The following BAZ1A variants were observed in gnomAD, a reference collection of about 807,000 sequenced individuals.
BAZ1A encodes the protein bromodomain adjacent to zinc finger domain 1A.
BAZ1A carries 50 observed loss-of-function variants against 185.2 expected under a neutral mutation model. The ratio of observed to expected loss-of-function variants is 0.27; its 90% CI spans 0.22 to 0.34. BAZ1A has a LOEUF of 0.34. Ranked by LOEUF, BAZ1A falls within the 10% of genes least tolerant of loss-of-function variation. The pLI is 1.00. For missense variants in BAZ1A, 1,356 were observed against 1,839.9 expected, an observed-to-expected ratio of 0.74 and a Z score of 4.81; for synonymous variants, 571 against 615.6, an observed-to-expected ratio of 0.93 and a Z score of 1.07.
At chr14:34,770,320 A>ATT (rs1227760754) in intron 21 of BAZ1A, among the ~76,000 whole-genome samples, 5 of 151,956 alleles carry the variant, frequency 3.3e-5, no homozygotes, top group Admixed American at 3.3e-4. Context: ...CACCCACCTA[A>ATT]TTTTGTATTT....
intron 5 of BAZ1A, among the ~76,000 whole-genome samples, chr14:34,808,725 T>C (rs2041887259): frequency 6.6e-6 from 1 of 152,160 alleles, no homozygotes; most frequent in African/African-American, 2.4e-5. Context: ...CTGTTTTTTA[T>C]TCTCCCTTGC....
intron 23 of BAZ1A, among the ~76,000 whole-genome samples, chr14:34,763,591 C>A (rs538697556): frequency 6.6e-6 from 1 of 152,194 alleles, no homozygotes; most frequent in East Asian, 1.9e-4. Context: ...GTGCTTTGTG[C>A]TTCACTGCAT....
intron 6 of BAZ1A, among the ~76,000 whole-genome samples, chr14:34,804,890 A>T (rs1360011382): frequency 6.6e-6 from 1 of 152,226 alleles, no homozygotes; most frequent in Non-Finnish European, 1.5e-5. Flanking sequence ...AAAACTGGTT[A>T]TCAAACTTTG....
chr14:34,753,641 G>T lies in BAZ1A; in HGVS notation c.4538C>A (p.Thr1513Lys), dbSNP rs757499414. 1.2e-6 allele frequency: 2 copies of T among 1,613,818 alleles called. No homozygotes were observed. The highest frequency in any genetic ancestry group is 2.2e-5 in the South Asian group (2 of 91,082). ...CCTAGTTCCAGCTTTTGCTTCACTTGTGTTACGAGGGTTGTATTCAAAGCA... is the reference window on the plus strand; with the variant it reads ...CCTAGTTCCAGCTTTTGCTTCACTTTTGTTACGAGGGTTGTATTCAAAGCA... The part of the protein sequence containing the change: ...SNCFEYNPRN[T>K]SEAKAGTRLQ... The change falls in exon 27 of 27, where the codon ACA (threonine) becomes AAA (lysine). Residue 1513 changes from threonine (T) to lysine (K), a missense_variant. Transcript: ENST00000360310.
chr14:34,825,540 G>A (rs1337696913), intron 4 of BAZ1A, among the ~76,000 whole-genome samples: 1 of 150,430 alleles, frequency 6.6e-6, no homozygotes, highest in African/African-American at 2.5e-5. Flanking sequence ...GCGTGAACTA[G>A]GAAAATTTCA....
At chr14:34,807,986 T>C (rs1209843558) in intron 5 of BAZ1A, among the ~76,000 whole-genome samples, 2 of 151,634 alleles carry the variant, frequency 1.3e-5, no homozygotes, top group South Asian at 2.1e-4. Context: ...GTGCCTGTAG[T>C]CCCAGCTACT....
At position 34,764,684 on chromosome 14, in the gene BAZ1A, T is replaced by A. The variant is rs567864588; in HGVS notation, c.3776+23A>T. The stretch of plus-strand genomic sequence containing the variant: ...TGTCTAACTAAGACTTACTGACTCA[T>A]TTTATTGCATGTTAGGACTTACCTG... On this transcript the variant is annotated intron_variant, in intron 23 of 26. Transcript: ENST00000360310. The A allele has an allele frequency of 1.3e-5, 20 of 1,573,914 alleles. No individual in the cohort carries two copies. In the South Asian group the frequency reaches 2.1e-4, roughly 16 times the overall value.
intron 3 of BAZ1A, among the ~76,000 whole-genome samples, chr14:34,839,655 A>T (rs1227080363): frequency 6.6e-6 from 1 of 151,794 alleles, no homozygotes; most frequent in Non-Finnish European, 1.5e-5. Flanking sequence ...CATCCTGGCT[A>T]ACATGGAGAA....
At position 34,874,388 on chromosome 14, in the gene BAZ1A, T is replaced by G; in HGVS notation, c.113+104A>C. On this transcript the variant is annotated intron_variant, in intron 2 of 26. Coordinates refer to ENST00000360310, the MANE Select transcript of BAZ1A (RefSeq NM_013448.3). The surrounding 1 kb of genome is among the most constrained non-coding windows in gnomAD (Gnocchi z 4.7). ...CCGGGGGCCACCCGTCACTTTCAAG[T>G]CGCCCCGCCAGAAGCCCAGGGCGAG... 8.6e-7 allele frequency: 1 copy of G among 1,161,602 alleles called. No homozygotes were observed. The highest frequency in any genetic ancestry group is 1.3e-6 in the Non-Finnish European group (1 of 798,616). The allele number at this position is 1,161,602 out of a possible 1,614,324, so 72.0% of individuals were successfully genotyped here.
chr14:34,855,164 G>A (rs2042656987), intron 3 of BAZ1A, among the ~76,000 whole-genome samples: 1 of 152,102 alleles, frequency 6.6e-6, no homozygotes, highest in African/African-American at 2.4e-5. Context: ...TCAGCCTAAA[G>A]GTTTCTCTGT....
At chr14:34,798,238 G>C (rs1881314256) in intron 9 of BAZ1A, among the ~76,000 whole-genome samples, 1 of 152,402 alleles carries the variant, frequency 6.6e-6, no homozygotes, top group Non-Finnish European at 1.5e-5. Context: ...AAGGCCTGCT[G>C]CGTCTGTAGA....
At chr14:34,835,569 A>G (rs1320055587) in intron 3 of BAZ1A, among the ~76,000 whole-genome samples, 1 of 151,904 alleles carries the variant, frequency 6.6e-6, no homozygotes, top group Admixed American at 6.5e-5. Context: ...CAACTTAAAC[A>G]CATTTCAGAG....
chr14:34,796,004 A>G (rs1362128203), intron 9 of BAZ1A, among the ~76,000 whole-genome samples: 1 of 152,092 alleles, frequency 6.6e-6, no homozygotes, highest in Non-Finnish European at 1.5e-5. Context: ...ATAATACTAT[A>G]AAGACTGAAA....
Position 34,773,615 on chromosome 14 carries a change from C to T in BAZ1A, c.3109G>A (p.Glu1037Lys). 1.9e-6 allele frequency: 3 copies of T among 1,612,386 alleles called. No homozygotes were observed. The highest frequency in any genetic ancestry group is 2.5e-6 in the Non-Finnish European group (3 of 1,179,390). ...TTTGTTTGTTCATCAATTTCCATCT[C>T]TTCTACGTCTTCATTCACAGTTTTA... is the stretch of plus-strand genomic sequence containing the variant. ...IIKTVNEDVE[E>K]MEIDEQTKVI... The change falls in exon 20 of 27, where the codon GAG (glutamate) becomes AAG (lysine). Residue 1037 changes from glutamate (E) to lysine (K), a missense_variant. Physicochemically the swap from Glu to Lys is moderately conservative, Grantham distance 56. This residue lies in a region of BAZ1A where 434 missense variants were observed against 561.7 expected (regional missense o/e 0.77). Transcript: ENST00000360310.
rs752784066 is a variant in BAZ1A, at chr14:34,801,136, C to G, written c.919G>C (p.Glu307Gln). Reference sequence around the variant, plus strand: ...TCTTGTTTCAAAAGTTTATCTCTTTCTTTAGTAGCTTTGCTCCTATAACTT... The same window carrying G: ...TCTTGTTTCAAAAGTTTATCTCTTTGTTTAGTAGCTTTGCTCCTATAACTT... ...LASYRSKATKERDKLLKQEEM... is the reference protein window; with the variant it reads ...LASYRSKATKQRDKLLKQEEM... The change falls in exon 8 of 27, where the codon GAA (glutamate) becomes CAA (glutamine). Residue 307 changes from glutamate (E) to glutamine (Q), a missense_variant. Transcript: ENST00000360310. 3.7e-6 allele frequency: 6 copies of G among 1,603,910 alleles called. No homozygotes were observed. The East Asian group carries it at 1.3e-4, about 36-fold the overall frequency.
rs1594834428 is a variant in BAZ1A at position 34,783,896 on chromosome 14, A to G, written c.1863T>C (p.Cys621=). 6.2e-7 allele frequency: 1 copy of G among 1,610,724 alleles called. No homozygotes were observed. The highest frequency in any genetic ancestry group is 8.5e-7 in the Non-Finnish European group (1 of 1,179,036). ...TTGAAACTAGGGTCAGTAGCTTTCC[A>G]CAGAGAGCATGGAGTATCTTCATTT... ...GEKMKILHAL[C]GKLLTLVSTR... is the part of the protein sequence containing the mutation. Residue 621 remains cysteine (C), a synonymous_variant, in exon 15 of 27, where the codon TGT becomes TGC. Coordinates refer to ENST00000360310, the MANE Select transcript of BAZ1A (RefSeq NM_013448.3).
At chr14:34,816,793 T>C in intron 4 of BAZ1A, 1 of 442,888 alleles carries the variant, frequency 2.3e-6, no homozygotes, top group Non-Finnish European at 4.5e-6. Flanking sequence ...ATCAATTTAG[T>C]TCAGATTCCA....
At chr14:34,781,796 C>T (rs1476556029) in intron 16 of BAZ1A, among the ~76,000 whole-genome samples, 1 of 152,212 alleles carries the variant, frequency 6.6e-6, no homozygotes, top group Non-Finnish European at 1.5e-5. Context: ...CGCAATTGGT[C>T]GTGAGTAGCT....
chr14:34,779,035 T>A (rs865929866), intron 17 of BAZ1A, among the ~76,000 whole-genome samples: 2 of 152,070 alleles, frequency 1.3e-5, no homozygotes, highest in Non-Finnish European at 2.9e-5. Context: ...TCTGGGTACT[T>A]TTTGTGGCGA....
Sources: allele counts gnomAD v4.1 joint callset (sites outside exome capture counted in the v4.1 genomes callset), GRCh38; gene constraint gnomAD v4.1.1; regional missense constraint gnomAD v4.1.1; non-coding constraint Gnocchi (gnomAD v3.1); transcripts MANE v1.5; gene names NCBI Gene and HGNC (gene_info 2026-07-23, HGNC 2026-07-21).